The following DLGAP2 variants were observed in gnomAD, a reference collection of about 807,000 sequenced individuals.
DLGAP2 encodes the protein disks large-associated protein 2.
DLGAP2 carries 26 observed loss-of-function variants against 100.3 expected under a neutral mutation model. That is an observed-to-expected ratio of 0.26 (90% confidence interval 0.19 to 0.36). The LOEUF is 0.36. Ranked by LOEUF, DLGAP2 falls within the 10% of genes least tolerant of loss-of-function variation. The probability of loss-of-function intolerance (pLI) is 1.00; values close to 1 mark genes in which losing one functional copy is unlikely to be tolerated. For synonymous variants in DLGAP2, 886 were observed against 630.1 expected (o/e 1.41, Z -6.08); for missense variants, 1,858 against 1,453.2 (o/e 1.28, Z -4.53).
At position 1,614,447 on chromosome 8, in the gene DLGAP2, G is replaced by A. The variant is rs754422626; in HGVS notation, c.1443-12293G>A. Reference sequence around the variant, plus strand: ...GGTTGGAATATGACCACAGACACCCGGCGGACTGGAGGTGGCCTCTGCCGC... The same window carrying A: ...GGTTGGAATATGACCACAGACACCCAGCGGACTGGAGGTGGCCTCTGCCGC... On this transcript the variant is annotated intron_variant, in intron 6 of 14. Transcript: ENST00000637795. 2.6e-5 allele frequency among the ~76,000 whole-genome samples: 4 copies of A among 152,210 alleles called. No homozygotes were observed. In the East Asian group the frequency reaches 7.7e-4, roughly 29 times the overall value.
intron 1 of DLGAP2, among the ~76,000 whole-genome samples, chr8:871,953 A>G (rs576832264): frequency 2.0e-5 from 3 of 152,190 alleles, no homozygotes; most frequent in Admixed American, 1.3e-4. Flanking sequence ...GTTCTTGTTG[A>G]ATTTCTTCTT....
At chr8:1,367,786 C>T (rs760392616) in intron 3 of DLGAP2, among the ~76,000 whole-genome samples, 4 of 152,158 alleles carry the variant, frequency 2.6e-5, no homozygotes, top group South Asian at 2.1e-4. Context: ...TGTGTATTTA[C>T]GGTGTATTTG....
chr8:1,554,711 G>A (rs569501326), intron 5 of DLGAP2, among the ~76,000 whole-genome samples: 12 of 152,000 alleles, frequency 7.9e-5, no homozygotes, highest in East Asian at 1.9e-4. Flanking sequence ...GGGTCTCTCC[G>A]GGCACCTAGG....
intron 2 of DLGAP2, among the ~76,000 whole-genome samples, chr8:982,071 A>G (rs1228063493): frequency 6.6e-6 from 1 of 152,198 alleles, no homozygotes; most frequent in African/African-American, 2.4e-5. Flanking sequence ...TCCTCTGCAC[A>G]GCATGGGACA....
At chr8:1,226,752 C>A (rs1443261308) in intron 2 of DLGAP2, among the ~76,000 whole-genome samples, 2 of 151,908 alleles carry the variant, frequency 1.3e-5, no homozygotes, top group South Asian at 2.1e-4. Flanking sequence ...AACTGTTGAA[C>A]GTTTGTGTAA....
chr8:936,151 G>A (rs917567331), intron 2 of DLGAP2, among the ~76,000 whole-genome samples: 5 of 152,090 alleles, frequency 3.3e-5, no homozygotes, highest in African/African-American at 1.2e-4. Context: ...AGTCACAGTC[G>A]GTTTATGAAG....
intron 3 of DLGAP2, among the ~76,000 whole-genome samples, chr8:1,267,558 C>CAAAATAAAATAATAATAAAATAAAAT (rs1554429896): frequency 7.9e-5 from 5 of 63,110 alleles, no homozygotes; most frequent in Non-Finnish European, 1.2e-4. Flanking sequence ...AATTCCCGCT[C>CAAAATAAAATAATAATAAAATAAAAT]AAAATAAAAT....
At chr8:926,971 G>A (rs1256246419) in intron 2 of DLGAP2, 3 of 964,308 alleles carry the variant, frequency 3.1e-6, no homozygotes, top group Non-Finnish European at 3.7e-6. Flanking sequence ...CAGCGTGGGG[G>A]GAAGCCAGGA....
chr8:1,259,181 C>G (rs77921667), intron 3 of DLGAP2, among the ~76,000 whole-genome samples: 1 of 152,190 alleles, frequency 6.6e-6, no homozygotes, highest in Non-Finnish European at 1.5e-5. Flanking sequence ...GTAACAGATG[C>G]TGATACAGGC....
chr8:1,052,712 C>G (rs1041984412), intron 2 of DLGAP2, among the ~76,000 whole-genome samples: 2 of 152,096 alleles, frequency 1.3e-5, no homozygotes, highest in Non-Finnish European at 2.9e-5. Flanking sequence ...ATCAGAATAA[C>G]TCATCTGGGT....
At chr8:1,194,948 A>G (rs1203957807) in intron 2 of DLGAP2, among the ~76,000 whole-genome samples, 1 of 152,236 alleles carries the variant, frequency 6.6e-6, no homozygotes, top group Non-Finnish European at 1.5e-5. Flanking sequence ...ACGGACAGTC[A>G]GGGCTGTCCC....
At chr8:1,145,603 T>G (rs77489578) in intron 2 of DLGAP2, among the ~76,000 whole-genome samples, 4,712 of 152,314 alleles carry the variant, frequency 0.031, 271 homozygotes, top group African/African-American at 0.11. Flanking sequence ...TTTTGGTGAA[T>G]CTATGGATGT....
At chr8:1,640,439 C>T (rs982425829) in intron 8 of DLGAP2, among the ~76,000 whole-genome samples, 1 of 152,206 alleles carries the variant, frequency 6.6e-6, no homozygotes, top group Non-Finnish European at 1.5e-5. Flanking sequence ...AACCTGGCAA[C>T]AACGATATCG....
chr8:750,722 G>T (rs778615131), intron 1 of DLGAP2, among the ~76,000 whole-genome samples: 6 of 152,226 alleles, frequency 3.9e-5, no homozygotes, highest in Non-Finnish European at 8.8e-5. Context: ...CTACCATGCA[G>T]CCCCCACGGC....
chr8:1,495,097 G>A (rs73536575), intron 3 of DLGAP2, among the ~76,000 whole-genome samples: 1,969 of 152,312 alleles, frequency 0.013, 45 homozygotes, highest in African/African-American at 0.045. Context: ...AGCCCCTGGC[G>A]GTCTTGGTGC....
intron 8 of DLGAP2, among the ~76,000 whole-genome samples, chr8:1,645,134 A>G (rs1798010407): frequency 6.6e-6 from 1 of 152,252 alleles, no homozygotes; most frequent in Admixed American, 6.5e-5. Context: ...AATGAATCAG[A>G]TGAATGAATG....
chr8:880,314 C>T (rs1317897728), intron 1 of DLGAP2, among the ~76,000 whole-genome samples: 3 of 152,192 alleles, frequency 2.0e-5, no homozygotes, highest in South Asian at 2.1e-4. Flanking sequence ...CGAGGCCATG[C>T]GTCTTCTAGA....
At chr8:1,677,006 G>T (rs564292100) in intron 11 of DLGAP2, among the ~76,000 whole-genome samples, 2 of 152,160 alleles carry the variant, frequency 1.3e-5, no homozygotes, top group Non-Finnish European at 2.9e-5. Flanking sequence ...TTCATACACC[G>T]TGAAATTGTT....
intron 6 of DLGAP2, among the ~76,000 whole-genome samples, chr8:1,576,438 A>G (rs919802395): frequency 2.6e-5 from 4 of 152,146 alleles, no homozygotes; most frequent in African/African-American, 4.8e-5. Flanking sequence ...CTCTGATAGT[A>G]GTTTCTTTTG....
Sources: gnomAD v4.1 joint callset for allele counts (sites outside exome capture counted in the v4.1 genomes callset) on GRCh38, gnomAD v4.1.1 for gene constraint, MANE v1.5 for transcripts, NCBI Gene and HGNC (gene_info 2026-07-23, HGNC 2026-07-21) for gene names.